FNDC3B: variants seen among roughly 807,000 people sequenced by gnomAD.
FNDC3B encodes fibronectin type III domain-containing protein 3B.
In FNDC3B, 12 loss-of-function variants were observed where a neutral mutation model predicts 151.5. That is an observed-to-expected ratio of 0.08 (90% confidence interval 0.05 to 0.13). The LOEUF (loss-of-function observed/expected upper bound fraction) is 0.13. Ranked by LOEUF, FNDC3B falls within the 10% of genes least tolerant of loss-of-function variation. The pLI is 1.00. For missense variants in FNDC3B, 1,214 were observed against 1,505.3 expected (o/e 0.81, Z 3.20); for synonymous variants, 528 against 549.0 (o/e 0.96, Z 0.54).
chr3:172,188,822 A>C (rs1188622774), intron 3 of FNDC3B, among the ~76,000 whole-genome samples: 1 of 152,064 alleles, frequency 6.6e-6, no homozygotes, highest in South Asian at 2.1e-4. Context: ...AGTGCCCTTA[A>C]AGTGTGAAAC....
chr3:172,233,393 C>T (rs1469537443), intron 4 of FNDC3B, among the ~76,000 whole-genome samples: 1 of 152,152 alleles, frequency 6.6e-6, no homozygotes, highest in Non-Finnish European at 1.5e-5. Context: ...ATTAATGGGT[C>T]AGTACCTGTT....
At chr3:172,257,569 T>TACACACACACACACACAC (rs10582558) in intron 6 of FNDC3B, among the ~76,000 whole-genome samples, 2 of 143,764 alleles carry the variant, frequency 1.4e-5, no homozygotes, top group Non-Finnish European at 3.1e-5. Flanking sequence ...CACGCATTCA[T>TACACACACACACACACAC]ACACACACAC....
At chr3:172,312,644 G>A (rs916916008) in intron 11 of FNDC3B, among the ~76,000 whole-genome samples, 13 of 151,934 alleles carry the variant, frequency 8.6e-5, no homozygotes, top group Admixed American at 3.9e-4. Flanking sequence ...GTGTATGTGC[G>A]TGCGTGCATG....
At chr3:172,283,841 TAC>T (rs1258037176) in intron 6 of FNDC3B, among the ~76,000 whole-genome samples, 2 of 152,198 alleles carry the variant, frequency 1.3e-5, no homozygotes, top group Non-Finnish European at 2.9e-5. Context: ...GATTTATGGA[TAC>T]AGTTTATACC....
intron 3 of FNDC3B, among the ~76,000 whole-genome samples, chr3:172,189,820 A>G (rs1724411990): frequency 6.7e-6 from 1 of 149,572 alleles, no homozygotes; most frequent in Non-Finnish European, 1.5e-5. Context: ...AAAAAAAAAA[A>G]AAAAAAAAAA....
chr3:172,088,071 G>GT (rs1287422818), intron 1 of FNDC3B, among the ~76,000 whole-genome samples: 2 of 152,086 alleles, frequency 1.3e-5, no homozygotes, highest in East Asian at 3.9e-4. Context: ...GCCACATCTT[G>GT]TTCCTGGAAA....
chr3:172,261,784 A>G (rs1728660415), intron 6 of FNDC3B, among the ~76,000 whole-genome samples: 1 of 152,226 alleles, frequency 6.6e-6, no homozygotes, highest in Non-Finnish European at 1.5e-5. Flanking sequence ...AATGCTCCCC[A>G]TAGTTGACTA....
chr3:172,141,073 G>A (rs1721604227), intron 3 of FNDC3B, among the ~76,000 whole-genome samples: 1 of 152,130 alleles, frequency 6.6e-6, no homozygotes, highest in Non-Finnish European at 1.5e-5. Flanking sequence ...ATAGGATTGT[G>A]AGGATAATCC....
intron 1 of FNDC3B, among the ~76,000 whole-genome samples, chr3:172,091,641 G>C (rs544928240): frequency 3.2e-4 from 49 of 152,258 alleles, no homozygotes; most frequent in African/African-American, 1.2e-3. Context: ...GCTTTAGGAA[G>C]TAACTTTGTC....
At chr3:172,067,065 A>C (rs1416304411) in intron 1 of FNDC3B, among the ~76,000 whole-genome samples, 2 of 152,246 alleles carry the variant, frequency 1.3e-5, no homozygotes, top group East Asian at 3.9e-4. Flanking sequence ...GTGGTTTCTA[A>C]CTTGGTTCTT....
chr3:172,143,097 G>A (rs963860988), intron 3 of FNDC3B, among the ~76,000 whole-genome samples: 20 of 152,124 alleles, frequency 1.3e-4, no homozygotes, highest in African/African-American at 4.1e-4. Context: ...ATGAATTTGC[G>A]CTGGGGTAGG....
chr3:172,390,791 C>T (rs1735971712), intron 25 of FNDC3B, among the ~76,000 whole-genome samples: 1 of 152,126 alleles, frequency 6.6e-6, no homozygotes, highest in Non-Finnish European at 1.5e-5. Context: ...GAGGCCACAT[C>T]ACAAAAACAC....
intron 6 of FNDC3B, among the ~76,000 whole-genome samples, chr3:172,263,968 C>A (rs1433936782): frequency 6.6e-6 from 1 of 151,868 alleles, no homozygotes; most frequent in Non-Finnish European, 1.5e-5. Flanking sequence ...TTTTCTGTGT[C>A]ATTTCTTCAT....
chr3:172,386,559 AG>A, intron 25 of FNDC3B, among the ~76,000 whole-genome samples: 1 of 152,128 alleles, frequency 6.6e-6, no homozygotes, highest in East Asian at 1.9e-4. Context: ...TGGCTAACAC[AG>A]TGAAACCCTG....
At chr3:172,305,419 TG>T (rs1335281279) in intron 9 of FNDC3B, among the ~76,000 whole-genome samples, 1 of 152,234 alleles carries the variant, frequency 6.6e-6, no homozygotes, top group Non-Finnish European at 1.5e-5. Context: ...TTGTTTGTCC[TG>T]TAGAGTCTTC....
chr3:172,300,114 G>A (rs921308498), intron 9 of FNDC3B, among the ~76,000 whole-genome samples: 6 of 152,098 alleles, frequency 3.9e-5, no homozygotes, highest in African/African-American at 1.4e-4. Context: ...ATTAGCTTCC[G>A]CCCAAACGTA....
intron 1 of FNDC3B, among the ~76,000 whole-genome samples, chr3:172,066,465 A>T (rs941296757): frequency 1.3e-5 from 2 of 152,208 alleles, no homozygotes; most frequent in African/African-American, 4.8e-5. Context: ...CAGCCTGTTT[A>T]CATATAGTTT....
At chr3:172,216,030 C>A (rs2108722522) in intron 3 of FNDC3B, among the ~76,000 whole-genome samples, 1 of 151,608 alleles carries the variant, frequency 6.6e-6, no homozygotes, top group South Asian at 2.1e-4. Flanking sequence ...AGATCCTCTT[C>A]ACGCTGTGTG....
chr3:172,071,166 T>C (rs1366320041), intron 1 of FNDC3B, among the ~76,000 whole-genome samples: 1 of 152,230 alleles, frequency 6.6e-6, no homozygotes, highest in African/African-American at 2.4e-5. Context: ...ACTTTAAAAC[T>C]ATTGTGTAGA....
Sources: gnomAD v4.1 joint callset for allele counts (sites outside exome capture counted in the v4.1 genomes callset) on GRCh38, gnomAD v4.1.1 for gene constraint, MANE v1.5 for transcripts, NCBI Gene and HGNC (gene_info 2026-07-23, HGNC 2026-07-21) for gene names.